Variants in MTMR14 observed in about 807,000 individuals in gnomAD.
The protein encoded by MTMR14 is phosphatidylinositol-3,5-bisphosphate 3-phosphatase MTMR14.
A neutral mutation model predicts 86.3 loss-of-function variants in MTMR14; 48 were observed. The ratio of observed to expected loss-of-function variants is 0.56; its 90% CI spans 0.44 to 0.71. The LOEUF (loss-of-function observed/expected upper bound fraction) is 0.71, where lower values mean the gene tolerates loss of function less well. MTMR14 is among the 30% of genes least tolerant of loss of function. The pLI, the probability that MTMR14 is intolerant of heterozygous loss-of-function variation, is 0.00. For synonymous variants in MTMR14, 366 were observed against 326.1 expected (o/e 1.12, Z -1.32); for missense variants, 780 against 834.6 (o/e 0.93, Z 0.81).
intron 10 of MTMR14, 77 bp from the exon 11 acceptor site, chr3:9,684,508 C>G (rs2075870603): frequency 7.0e-7 from 1 of 1,436,666 alleles, no homozygotes. Flanking sequence ...TCCACCAGGC[C>G]AAGCTGGTGG....
chr3:9,663,752 A>G (rs2048085802), intron 3 of MTMR14, among the ~76,000 whole-genome samples: 1 of 150,076 alleles, frequency 6.7e-6, no homozygotes, highest in African/African-American at 2.5e-5. Context: ...TGACCTTGTG[A>G]TCCTCCTGCC....
chr3:9,682,721 T>C (rs970251221), intron 9 of MTMR14, among the ~76,000 whole-genome samples: 5 of 152,258 alleles, frequency 3.3e-5, no homozygotes, highest in Non-Finnish European at 5.9e-5. Flanking sequence ...TGTTTTAGTT[T>C]CTGTGATGTG....
intron 5 of MTMR14, 57 bp from the exon 6 acceptor site, chr3:9,670,991 C>A: frequency 6.2e-7 from 1 of 1,611,570 alleles, no homozygotes; most frequent in Non-Finnish European, 8.5e-7. Flanking sequence ...GTGCCCACCC[C>A]CAAGCTCCTG....
At chr3:9,657,723 G>GT (rs1174055271) in intron 2 of MTMR14, among the ~76,000 whole-genome samples, 1 of 151,964 alleles carries the variant, frequency 6.6e-6, no homozygotes, top group Non-Finnish European at 1.5e-5. Context: ...GCCAATTTTT[G>GT]TATTTTTAGT....
intron 9 of MTMR14, among the ~76,000 whole-genome samples, chr3:9,681,806 G>A (rs1189961577): frequency 6.6e-6 from 1 of 151,928 alleles, no homozygotes; most frequent in East Asian, 1.9e-4. Flanking sequence ...GTGGACTTTG[G>A]AGTCTGGCAG....
chr3:9,685,775 G>T (rs1317235409), intron 13 of MTMR14, among the ~76,000 whole-genome samples: 1 of 152,012 alleles, frequency 6.6e-6, no homozygotes, highest in African/African-American at 2.4e-5. Flanking sequence ...TCTCCCCCAT[G>T]CCTGTCGCCT....
At chr3:9,668,156 A>G (rs913043917) in intron 3 of MTMR14, among the ~76,000 whole-genome samples, 1 of 152,326 alleles carries the variant, frequency 6.6e-6, no homozygotes, top group East Asian at 1.9e-4. Flanking sequence ...GAGGAAAAGA[A>G]GCCTCTAAAA....
chr3:9,679,188 TAGGGTGATGTC>T (rs2075679638), intron 9 of MTMR14, among the ~76,000 whole-genome samples: 2 of 152,300 alleles, frequency 1.3e-5, no homozygotes, highest in Admixed American at 1.3e-4. Context: ...GTGTATGAAG[TAGGGTGATGTC>T]AGAGTTCCCC....
chr3:9,677,760 T>A lies in MTMR14; in HGVS notation c.823-224T>A, dbSNP rs2075630672. ...GCTGAACACATATTGATCTTGCATG[T>A]TTCAGCAACAGACATCAAATGTCCG... On this transcript the variant is annotated intron_variant, in intron 8 of 18. Coordinates refer to ENST00000296003, the MANE Select transcript of MTMR14 (RefSeq NM_001077525.3). The surrounding 1 kb of genome is among the most constrained non-coding windows in gnomAD (Gnocchi z 4.2). Among the ~76,000 whole-genome samples the A allele has an allele frequency of 2.0e-5, 3 of 152,162 alleles. No individual in the cohort carries two copies. The South Asian group carries it at 6.2e-4, about 32-fold the overall frequency.
chr3:9,687,656 A>C (rs1575058270), intron 13 of MTMR14, among the ~76,000 whole-genome samples, 165 bp from the exon 14 acceptor site: 1 of 151,806 alleles, frequency 6.6e-6, no homozygotes, highest in Non-Finnish European at 1.5e-5. Context: ...GGCCCTTCCA[A>C]GGCCTCTGTA....
At chr3:9,682,796 CTTCGT>C (rs2075810069) in intron 9 of MTMR14, among the ~76,000 whole-genome samples, 1 of 152,220 alleles carries the variant, frequency 6.6e-6, no homozygotes, top group South Asian at 2.1e-4. Context: ...CCTCAGGGCT[CTTCGT>C]TTACCTTTAC....
chr3:9,698,891 G>T (rs558757512), intron 18 of MTMR14, among the ~76,000 whole-genome samples: 1 of 152,066 alleles, frequency 6.6e-6, no homozygotes, highest in Non-Finnish European at 1.5e-5. Flanking sequence ...ATTGCAGGCC[G>T]GGCATGGTGG....
chr3:9,675,810 C>T (rs1559587928), intron 7 of MTMR14: 2 of 416,602 alleles, frequency 4.8e-6, no homozygotes, highest in East Asian at 1.4e-4. Context: ...GTTGGGAAAA[C>T]AGCACTTCAC....
chr3:9,692,591 G>T (rs1433090445), intron 17 of MTMR14, among the ~76,000 whole-genome samples: 2 of 152,084 alleles, frequency 1.3e-5, no homozygotes, highest in African/African-American at 4.8e-5. Flanking sequence ...CCTCGGCCTC[G>T]GCCTCTGCTC....
intron 7 of MTMR14, among the ~76,000 whole-genome samples, chr3:9,675,157 C>T (rs1191406656): frequency 2.0e-5 from 3 of 152,024 alleles, no homozygotes; most frequent in Non-Finnish European, 1.5e-5. Context: ...TCAAAAGAGA[C>T]CAAAATTTGT....
At chr3:9,676,558 A>G (rs1232732618) in intron 7 of MTMR14, among the ~76,000 whole-genome samples, 2 of 152,196 alleles carry the variant, frequency 1.3e-5, no homozygotes, top group Non-Finnish European at 2.9e-5. Flanking sequence ...GTATTATGTC[A>G]TCCTTAAACA....
At chr3:9,650,073 A>G (rs1436750858) in intron 1 of MTMR14, among the ~76,000 whole-genome samples, 4 of 152,158 alleles carry the variant, frequency 2.6e-5, no homozygotes, top group Non-Finnish European at 4.4e-5. Context: ...CAGGTGCCGT[A>G]GGATGAGTTG....
At chr3:9,658,627 T>G (rs1476034297) in intron 2 of MTMR14, among the ~76,000 whole-genome samples, 1 of 152,276 alleles carries the variant, frequency 6.6e-6, no homozygotes, top group Non-Finnish European at 1.5e-5. Context: ...TCAGCTACCC[T>G]GTTTACCTGT....
Position 9,677,044 on chromosome 3 carries a change from G to A in MTMR14, c.752-273G>A, listed in dbSNP as rs191999490. ...ATGTGGGGGAAGTGACTGGTGACCA[G>A]TGAGCATAGATGGAGAAAGTTACAA... On this transcript the variant is annotated intron_variant, in intron 7 of 18. Coordinates refer to ENST00000296003, the MANE Select transcript of MTMR14 (RefSeq NM_001077525.3). The surrounding 1 kb of genome is among the most constrained non-coding windows in gnomAD (Gnocchi z 4.2). 3.9e-5 allele frequency among the ~76,000 whole-genome samples: 6 copies of A among 152,380 alleles called. No homozygotes were observed. The East Asian group carries it at 9.6e-4, about 24-fold the overall frequency.
Sources: allele counts gnomAD v4.1 joint callset (sites outside exome capture counted in the v4.1 genomes callset), GRCh38; gene constraint gnomAD v4.1.1; non-coding constraint Gnocchi (gnomAD v3.1); transcripts MANE v1.5; gene names NCBI Gene and HGNC (gene_info 2026-07-23, HGNC 2026-07-21).